ADARB1: variants seen among roughly 807,000 people sequenced by gnomAD.
ADARB1 encodes the protein double-stranded RNA-specific editase 1.
Under a neutral mutation model 52.4 loss-of-function variants are expected in ADARB1, and 10 were observed. That is an observed-to-expected ratio of 0.19 (90% CI 0.12 to 0.32). The LOEUF is 0.32. Among genes scored for constraint, ADARB1 ranks in the 10% least tolerant of loss-of-function variants. The pLI, the probability that ADARB1 is intolerant of heterozygous loss-of-function variation, is 1.00. For synonymous variants in ADARB1, 349 were observed against 371.1 expected, an observed-to-expected ratio of 0.94 and a Z score of 0.68; for missense variants, 643 against 922.3, an observed-to-expected ratio of 0.70 and a Z score of 3.92.
chr21:45,104,234 A>G (rs935630839), intron 1 of ADARB1, among the ~76,000 whole-genome samples: 1 of 152,030 alleles, frequency 6.6e-6, no homozygotes, highest in Non-Finnish European at 1.5e-5. Flanking sequence ...GGCTGTGGTT[A>G]GTTTTGGTGC....
intron 1 of ADARB1, among the ~76,000 whole-genome samples, chr21:45,115,352 G>C (rs553043375): frequency 6.6e-6 from 1 of 152,150 alleles, no homozygotes; most frequent in Non-Finnish European, 1.5e-5. Context: ...ATGCTGGGCT[G>C]CTGTGATGGG....
intron 2 of ADARB1, among the ~76,000 whole-genome samples, chr21:45,148,625 G>A (rs2090127875): frequency 6.6e-6 from 1 of 152,214 alleles, no homozygotes; most frequent in African/African-American, 2.4e-5. Flanking sequence ...GGGCTCTGAG[G>A]GCACTGGAGC....
Position 45,204,215 on chromosome 21 carries a change from G to C in ADARB1, c.1566-340G>C, listed in dbSNP as rs1358006632. Among the ~76,000 whole-genome samples, 1 of 152,220 alleles carries C rather than the reference G, an allele frequency of 6.6e-6. No individual in the cohort carries two copies. Among genetic ancestry groups the C allele is most frequent in the African/African-American group, 2.4e-5 (1 of 41,456 alleles). On this transcript the variant is annotated intron_variant, in intron 8 of 10. Transcript: ENST00000348831. The surrounding 1 kb of genome is among the most constrained non-coding windows in gnomAD (Gnocchi z 4.4). ...TTGACAGTGAGTAACTGAAACCTCT[G>C]AAAGTGAAACCTCAGATAAGGGGAC...
chr21:45,202,087 T>C (rs1226189408), intron 8 of ADARB1, among the ~76,000 whole-genome samples: 1 of 151,848 alleles, frequency 6.6e-6, no homozygotes, highest in Non-Finnish European at 1.5e-5. Flanking sequence ...CTGGACTGTT[T>C]TGTGCCAGGG....
chr21:45,145,995 A>G (rs2089984965), intron 2 of ADARB1: 2 of 152,312 alleles, frequency 1.3e-5, no homozygotes, highest in South Asian at 2.1e-4. Flanking sequence ...AGGAGCCTTT[A>G]CCTACGGCCA....
At chr21:45,175,587 T>A (rs1432734205) in intron 3 of ADARB1, 143 bp from the exon 4 acceptor site, 7 of 830,718 alleles carry the variant, frequency 8.4e-6, no homozygotes, top group Non-Finnish European at 1.3e-5. Context: ...AATGTATAAC[T>A]CTTCATGTAT....
rs1366809502 is a variant in ADARB1, at chr21:45,226,444, A to G, written c.*4247A>G. 6.5e-6 allele frequency: 1 copy of G among 152,684 alleles called. No homozygotes were observed. The highest frequency in any genetic ancestry group is 1.5e-5 in the Non-Finnish European group (1 of 68,056). 9.5% of individuals were successfully genotyped at this position (152,684 alleles called of 1,614,324 possible). On this transcript the variant is annotated 3_prime_UTR_variant, in exon 11 of 11. Transcript: ENST00000348831. ...GTATGTAAATCTGTGTATACACCACACGTTACAACTGCATGAGCTTCCTCT... is the reference window on the plus strand; with the variant it reads ...GTATGTAAATCTGTGTATACACCACGCGTTACAACTGCATGAGCTTCCTCT...
chr21:45,204,892 C>T lies in ADARB1; in HGVS notation c.1747+156C>T, dbSNP rs2838812. ...GACCCAAGGTGATGTTTCTGAGGCT[C>T]TCCGGGCCTTGTCTCTAGGGCCTTT... On this transcript the variant is annotated intron_variant, in intron 9 of 10. Transcript: ENST00000348831. The surrounding 1 kb of genome is among the most constrained non-coding windows in gnomAD (Gnocchi z 4.4). 0.12 allele frequency among the ~76,000 whole-genome samples: 18,377 copies of T among 152,144 alleles called. 1,325 individuals carry two copies. The highest frequency in any genetic ancestry group is 0.19 in the African/African-American group (7,732 of 41,458).
Position 45,184,864 on chromosome 21 carries a change from T to C in ADARB1, c.1397-59T>C, listed in dbSNP as rs1858692371. ...TATAAGCTATTGTTAGATGTGCTTT[T>C]CAATAAATCAAATAGATGGTTTACT... On this transcript the variant is annotated intron_variant, in intron 7 of 10. Transcript: ENST00000348831. The C allele has an allele frequency of 3.3e-6, 5 of 1,497,774 alleles. No homozygotes were observed. The East Asian group carries it at 9.1e-5, about 27-fold the overall frequency. The allele number at this position is 1,497,774 out of a possible 1,614,324, so 92.8% of individuals were successfully genotyped here.
At chr21:45,134,483 G>C (rs1255353440) in intron 2 of ADARB1, among the ~76,000 whole-genome samples, 1 of 151,980 alleles carries the variant, frequency 6.6e-6, no homozygotes, top group African/African-American at 2.4e-5. Context: ...CGCCCGGCAG[G>C]GGTACGTACA....
chr21:45,205,550 A>G (rs1331004534), intron 9 of ADARB1, among the ~76,000 whole-genome samples: 2 of 152,160 alleles, frequency 1.3e-5, no homozygotes, highest in African/African-American at 4.8e-5. Context: ...GCTCCGAGAG[A>G]TGGTGACAGG....
chr21:45,100,778 C>T (rs2086967573), intron 1 of ADARB1: 1 of 152,550 alleles, frequency 6.6e-6, no homozygotes, highest in African/African-American at 2.4e-5. Flanking sequence ...CAGGCCAGTC[C>T]CAGCGGCGAC....
rs373976032 is a variant in ADARB1, at chr21:45,200,367, C to T, written c.1566-4188C>T. 7.2e-5 allele frequency among the ~76,000 whole-genome samples: 11 copies of T among 152,250 alleles called. No individual in the cohort carries two copies. The highest frequency in any genetic ancestry group is 3.9e-4 in the Admixed American group (6 of 15,304). Reference sequence around the variant, plus strand: ...GGCTCCCATGGGGTTGGCCACCCCACGGTGATTATGTTGGCGCGGGAGCCG... The same window carrying T: ...GGCTCCCATGGGGTTGGCCACCCCATGGTGATTATGTTGGCGCGGGAGCCG... On this transcript the variant is annotated intron_variant, in intron 8 of 10. Coordinates refer to ENST00000348831, the MANE Select transcript of ADARB1 (RefSeq NM_001112.4). The surrounding 1 kb of genome is among the most constrained non-coding windows in gnomAD (Gnocchi z 5.0).
At chr21:45,147,502 G>A (rs994848207) in intron 2 of ADARB1, among the ~76,000 whole-genome samples, 10 of 152,310 alleles carry the variant, frequency 6.6e-5, no homozygotes, top group African/African-American at 2.2e-4. Context: ...TTTTGTGCAA[G>A]GTGACTTGTA....
rs78585369 is a variant in ADARB1, at chr21:45,198,304, G to A, written c.1566-6251G>A. Among the ~76,000 whole-genome samples, 536 of 152,268 alleles carry A rather than the reference G, an allele frequency of 3.5e-3. 4 individuals are homozygous for A. The highest frequency in any genetic ancestry group is 0.012 in the African/African-American group (488 of 41,540). On this transcript the variant is annotated intron_variant, in intron 8 of 10. Coordinates refer to ENST00000348831, the MANE Select transcript of ADARB1 (RefSeq NM_001112.4). The stretch of plus-strand genomic sequence containing the variant: ...AGAAGACAGAAGGCACTACCAAAAC[G>A]TATCTGGAATGAAAACACGGATATC...
At chr21:45,095,554 A>G (rs2086724113) in intron 1 of ADARB1, among the ~76,000 whole-genome samples, 1 of 151,912 alleles carries the variant, frequency 6.6e-6, no homozygotes, top group Non-Finnish European at 1.5e-5. Flanking sequence ...AGGGTTCTGC[A>G]TCCTGCTGTT....
intron 1 of ADARB1, among the ~76,000 whole-genome samples, chr21:45,126,756 G>C (rs141938398): frequency 4.0e-4 from 61 of 152,256 alleles, no homozygotes; most frequent in African/African-American, 1.4e-3. Context: ...ACTCAAATGG[G>C]AGGCAACCAT....
intron 8 of ADARB1, among the ~76,000 whole-genome samples, chr21:45,194,385 T>C (rs542521872): frequency 3.3e-5 from 5 of 152,342 alleles, no homozygotes; most frequent in Non-Finnish European, 7.3e-5. Context: ...CATCACAGTG[T>C]GAGACCAGAG....
intron 9 of ADARB1, among the ~76,000 whole-genome samples, chr21:45,214,676 T>G (rs1227732135): frequency 1.3e-5 from 2 of 152,214 alleles, no homozygotes; most frequent in Admixed American, 1.3e-4. Flanking sequence ...TTGTCAAAAA[T>G]CAGCTGGCAT....
Sources: gnomAD v4.1 joint callset for allele counts (sites outside exome capture counted in the v4.1 genomes callset) on GRCh38, gnomAD v4.1.1 for gene constraint, Gnocchi (gnomAD v3.1) non-coding constraint, MANE v1.5 for transcripts, NCBI Gene and HGNC (gene_info 2026-07-23, HGNC 2026-07-21) for gene names.